COL13A1: variants seen among roughly 807,000 people sequenced by gnomAD.
COL13A1 encodes the protein collagen alpha-1(XIII) chain.
Under a neutral mutation model 130.9 loss-of-function variants are expected in COL13A1, and 89 were observed. That is an observed-to-expected ratio of 0.68 (90% CI 0.57 to 0.81). The LOEUF (loss-of-function observed/expected upper bound fraction) is 0.81, where lower values mean the gene tolerates loss of function less well. COL13A1 is among the 30% of genes least tolerant of loss of function. The pLI is 0.00. For synonymous variants in COL13A1, 402 were observed against 341.6 expected (o/e 1.18, Z -1.95); for missense variants, 879 against 934.6 (o/e 0.94, Z 0.78).
Position 69,925,796 on chromosome 10 carries a change from C to G in COL13A1, c.1330-8C>G, listed in dbSNP as rs778225235. On this transcript the variant is annotated splice_region_variant and splice_polypyrimidine_tract_variant and intron_variant, in intron 25 of 40. Coordinates refer to ENST00000645393, the MANE Select transcript of COL13A1 (RefSeq NM_001368882.1). ...AGGCCGTGGGTTGAGATCTCATTTGCCTTCCAGGGCTCCAAGGGAGAACCA... is the reference window on the plus strand; with the variant it reads ...AGGCCGTGGGTTGAGATCTCATTTGGCTTCCAGGGCTCCAAGGGAGAACCA... The G allele has an allele frequency of 8.8e-6, 14 of 1,589,884 alleles. No individual in the cohort carries two copies. The highest frequency in any genetic ancestry group is 1.1e-5 in the Non-Finnish European group (13 of 1,168,074).
In COL13A1 at chr10:69,938,950, C is replaced by T. The variant is rs555640756; in HGVS notation, c.1878+1235C>T. On this transcript the variant is annotated intron_variant, in intron 34 of 40. Transcript: ENST00000645393. Reference sequence around the variant, plus strand: ...TATCCACATTCATGGCCCCAACGACCTTGATGAACACTCGAGAATTCAGTC... The same window carrying T: ...TATCCACATTCATGGCCCCAACGACTTTGATGAACACTCGAGAATTCAGTC... 9.8e-5 allele frequency among the ~76,000 whole-genome samples: 15 copies of T among 152,292 alleles called. No homozygotes were observed. The South Asian group carries it at 3.1e-3, about 32-fold the overall frequency.
chr10:69,872,049 C>T (rs376193153), intron 3 of COL13A1, 135 bp from the exon 4 acceptor site: 18 of 990,506 alleles, frequency 1.8e-5, no homozygotes, highest in Middle Eastern at 2.1e-4. Context: ...CAAGGCTCCC[C>T]CTTCGTTTTG....
At chr10:69,896,852 G>A (rs1406770980) in intron 13 of COL13A1, among the ~76,000 whole-genome samples, 1 of 152,264 alleles carries the variant, frequency 6.6e-6, no homozygotes, top group Non-Finnish European at 1.5e-5. Flanking sequence ...GGGCCCTGCT[G>A]TTCCGGCCAG....
chr10:69,924,527 A>G (rs1451488409), intron 24 of COL13A1, among the ~76,000 whole-genome samples: 2 of 150,454 alleles, frequency 1.3e-5, no homozygotes, highest in African/African-American at 4.9e-5. Flanking sequence ...GTCTTTCACA[A>G]GTAGAGTAGG....
chr10:69,944,094 C>A (rs1235231630), intron 35 of COL13A1, 31 bp from the exon 36 acceptor site: 1 of 1,598,966 alleles, frequency 6.3e-7, no homozygotes, highest in Non-Finnish European at 8.6e-7. Flanking sequence ...AGTGTGGGGA[C>A]CCTCACCTCT....
At chr10:69,928,045 A>G (rs1279239254) in intron 27 of COL13A1, among the ~76,000 whole-genome samples, 4 of 152,176 alleles carry the variant, frequency 2.6e-5, no homozygotes, top group African/African-American at 9.6e-5. Context: ...CCAGCTACTC[A>G]GTAGGCTGAG....
intron 2 of COL13A1, among the ~76,000 whole-genome samples, chr10:69,840,817 G>C (rs1851393409): frequency 6.6e-6 from 1 of 152,102 alleles, no homozygotes; most frequent in Non-Finnish European, 1.5e-5. Flanking sequence ...AGGAAAACTG[G>C]TCTCTTGAGG....
At chr10:69,886,659 G>A (rs1407496738) in intron 7 of COL13A1, among the ~76,000 whole-genome samples, 11 of 152,096 alleles carry the variant, frequency 7.2e-5, no homozygotes, top group Admixed American at 6.5e-4. Context: ...CAAGACTCAC[G>A]TTTCTTAGCT....
intron 2 of COL13A1, among the ~76,000 whole-genome samples, chr10:69,827,237 G>A (rs1847717710): frequency 1.3e-5 from 2 of 152,184 alleles, no homozygotes; most frequent in African/African-American, 4.8e-5. Flanking sequence ...AGAAATGAGG[G>A]TGGGAGGAGA....
chr10:69,827,782 T>G (rs1028077541), intron 2 of COL13A1, among the ~76,000 whole-genome samples: 3 of 152,164 alleles, frequency 2.0e-5, no homozygotes, highest in African/African-American at 7.2e-5. Context: ...TGCCTTATTT[T>G]CCCTGGCACC....
intron 2 of COL13A1, among the ~76,000 whole-genome samples, chr10:69,830,304 GGAAAA>G (rs1361969042): frequency 1.3e-5 from 2 of 152,150 alleles, no homozygotes; most frequent in Admixed American, 1.3e-4. Flanking sequence ...TAAGAAAAAA[GGAAAA>G]GAAAAGAAAA....
chr10:69,851,529 G>A (rs184526571), intron 2 of COL13A1, among the ~76,000 whole-genome samples: 12 of 152,288 alleles, frequency 7.9e-5, no homozygotes, highest in East Asian at 3.9e-4. Context: ...TTCTCCCTGC[G>A]CTGTCTAATA....
intron 14 of COL13A1, among the ~76,000 whole-genome samples, chr10:69,902,507 T>A (rs575628993): frequency 1.3e-5 from 2 of 152,156 alleles, no homozygotes; most frequent in Admixed American, 1.3e-4. Context: ...CAGCAACTCC[T>A]CTTTGGAAGC....
intron 2 of COL13A1, among the ~76,000 whole-genome samples, chr10:69,841,437 T>C (rs943014239): frequency 6.6e-6 from 1 of 152,240 alleles, no homozygotes; most frequent in Non-Finnish European, 1.5e-5. Flanking sequence ...TGGCACGGAA[T>C]AAATGCTCTT....
chr10:69,806,160 C>G (rs1336837591), intron 1 of COL13A1, among the ~76,000 whole-genome samples: 2 of 152,182 alleles, frequency 1.3e-5, no homozygotes, highest in South Asian at 4.1e-4. Flanking sequence ...AGGGAGGGCC[C>G]TTAGGGATCT....
chr10:69,892,977 G>C (rs977101092), intron 10 of COL13A1, among the ~76,000 whole-genome samples: 6 of 152,170 alleles, frequency 3.9e-5, no homozygotes, highest in Admixed American at 3.3e-4. Context: ...TCTCTGTCCT[G>C]ACAGAGGATG....
intron 1 of COL13A1, 57 bp from the exon 2 acceptor site, chr10:69,822,312 C>G (rs541591400): frequency 1.4e-6 from 2 of 1,402,254 alleles, no homozygotes; most frequent in East Asian, 2.7e-5. Context: ...CAGCTGCTTT[C>G]CAGGGCTTGG....
At chr10:69,942,599 A>G (rs1407794586) in intron 35 of COL13A1, among the ~76,000 whole-genome samples, 1 of 151,934 alleles carries the variant, frequency 6.6e-6, no homozygotes, top group Non-Finnish European at 1.5e-5. Context: ...GGGAAAAAAA[A>G]TAAGCCTTCC....
At position 69,894,559 on chromosome 10, in the gene COL13A1, C is replaced by T. The variant is rs746217865; in HGVS notation, c.611C>T (p.Thr204Met). The T allele has an allele frequency of 9.1e-5, 147 of 1,613,842 alleles. No individual in the cohort carries two copies. The highest frequency in any genetic ancestry group is 1.2e-4 in the Non-Finnish European group (141 of 1,179,902). ...HPGPKGDMGL[T>M]GPPGQPGPQG... The stretch of plus-strand genomic sequence containing the variant: ...TGTGTTTGCTTCCCACAGGGTCTGA[C>T]GGGTCCCCCAGGACAGCCGGTTGGT... Residue 204 changes from threonine (T) to methionine (M), a missense_variant, in exon 11 of 41, where the codon ACG becomes ATG. By Grantham distance (81) the Thr-to-Met change is moderately conservative (BLOSUM62 -1). Transcript: ENST00000645393.
Sources: allele counts gnomAD v4.1 joint callset (sites outside exome capture counted in the v4.1 genomes callset), GRCh38; gene constraint gnomAD v4.1.1; transcripts MANE v1.5; gene names NCBI Gene and HGNC (gene_info 2026-07-23, HGNC 2026-07-21).